The following ERAP1 variants were observed in gnomAD, a reference collection of about 807,000 sequenced individuals.
The protein encoded by ERAP1 is adipocyte-derived leucine aminopeptidase.
A neutral mutation model predicts 103.7 loss-of-function variants in ERAP1; 86 were observed. That is an observed-to-expected ratio of 0.83 (90% CI 0.70 to 0.99). The LOEUF (loss-of-function observed/expected upper bound fraction) is 0.99. Ranked by LOEUF, ERAP1 falls within the 50% of genes least tolerant of loss-of-function variation. ERAP1 has a pLI of 0.00. For synonymous variants in ERAP1, 398 were observed against 402.4 expected, an observed-to-expected ratio of 0.99 and a Z score of 0.13; for missense variants, 1,009 against 1,128.4, an observed-to-expected ratio of 0.89 and a Z score of 1.52.
At chr5:96,896,727 T>C in the ERAP1 span, 1 of 1,564,564 alleles carries the variant, frequency 6.4e-7, no homozygotes, top group Non-Finnish European at 8.6e-7. Context: ...TGTTTTTTTT[T>C]AAAGGGAGCT....
Position 96,776,560 on chromosome 5 carries a change from G to GAA in ERAP1, c.2671-11_2671-10dup, listed in dbSNP as rs1228926864. On this transcript the variant is annotated splice_polypyrimidine_tract_variant and intron_variant, in intron 18 of 18. Transcript: ENST00000443439. ...CTGAAGAATCCTTTTACCTTGTGAG[G>GAA]AAAAAGTGGGTTTTAAAAAATTAAT... 6.2e-7 allele frequency: 1 copy of GAA among 1,612,662 alleles called. No individual in the cohort carries two copies. Among genetic ancestry groups the GAA allele is most frequent in the African/African-American group, 1.3e-5 (1 of 74,900 alleles).
the ERAP1 span, chr5:96,915,800 A>G: frequency 1.3e-6 from 2 of 1,483,676 alleles, no homozygotes; most frequent in East Asian, 2.3e-5. Context: ...AACAATTTCA[A>G]AATAAATGTT....
chr5:96,892,855 G>T, the ERAP1 span, among the ~76,000 whole-genome samples: 1 of 152,152 alleles, frequency 6.6e-6, no homozygotes, highest in Non-Finnish European at 1.5e-5. Flanking sequence ...TCTTCCTTCA[G>T]TTGGAACCTG....
At position 96,776,048 on chromosome 5, in the gene ERAP1, T is replaced by C. The variant is rs975309152; in HGVS notation, c.*348A>G. ...ACTATTCAGAGTCTTTCGAGGAGAC[T>C]GATGAAACAGTTTATGAATGATAAA... On this transcript the variant is annotated 3_prime_UTR_variant, in exon 19 of 19. Transcript: ENST00000443439. 8 of 1,192,660 alleles carry C rather than the reference T, an allele frequency of 6.7e-6. No individual in the cohort carries two copies. Among genetic ancestry groups the C allele is most frequent in the Admixed American group, 3.4e-5 (1 of 29,388 alleles). 73.9% of individuals were successfully genotyped at this position (1,192,660 alleles called of 1,614,324 possible).
At chr5:96,882,172 G>A in the ERAP1 span, among the ~76,000 whole-genome samples, 1 of 152,212 alleles carries the variant, frequency 6.6e-6, no homozygotes, top group Non-Finnish European at 1.5e-5. Flanking sequence ...GCTCAGCACA[G>A]TATTGGATAG....
At chr5:96,783,840 CACACACACACACACAT>C (rs200863686) in intron 14 of ERAP1, 68 bp downstream of exon 14, 242,533 of 938,434 alleles carry the variant, frequency 0.26, 27,933 homozygotes, top group East Asian at 0.3. Flanking sequence ...CACACACACA[CACACACACACACACAT>C]ACACACACAA....
chr5:96,887,073 G>GTATATATATATATATATA, the ERAP1 span, among the ~76,000 whole-genome samples: 2 of 87,164 alleles, frequency 2.3e-5, no homozygotes, highest in Non-Finnish European at 4.6e-5. Flanking sequence ...AATTTTCAAA[G>GTATATATATATATATATA]TATATATATA....
Position 96,790,672 on chromosome 5 carries a change from C to G in ERAP1, c.1321-29G>C, listed in dbSNP as rs375903114. 1.0e-5 allele frequency: 16 copies of G among 1,594,554 alleles called. No homozygotes were observed. The African/African-American group carries it at 2.0e-4, about 20-fold the overall frequency. On this transcript the variant is annotated intron_variant, in intron 8 of 18. Transcript: ENST00000443439. ...AAAAGATAATAGAAATAATTGTTAT[C>G]TATAGTTTCATTGCAGTCTCATCTG... is the stretch of plus-strand genomic sequence containing the variant.
At chr5:96,933,323 T>G in the ERAP1 span, among the ~76,000 whole-genome samples, 7 of 150,598 alleles carry the variant, frequency 4.6e-5, no homozygotes, top group Admixed American at 4.7e-4. Flanking sequence ...GTTCAAGTGA[T>G]TCTCATGCCT....
At chr5:96,886,584 C>A in the ERAP1 span, 2 of 1,338,306 alleles carry the variant, frequency 1.5e-6, no homozygotes, top group Non-Finnish European at 2.0e-6. Flanking sequence ...AACTCACCTG[C>A]CATAAGTCAT....
upstream of ERAP1, among the ~76,000 whole-genome samples, chr5:96,808,380 A>C (rs1256602332): frequency 6.6e-6 from 1 of 151,494 alleles, no homozygotes; most frequent in African/African-American, 2.4e-5. Flanking sequence ...AGGCGCTGAC[A>C]AGTCCACCAA....
At chr5:96,911,495 T>TA in the ERAP1 span, among the ~76,000 whole-genome samples, 1 of 152,078 alleles carries the variant, frequency 6.6e-6, no homozygotes, top group Non-Finnish European at 1.5e-5. Context: ...TTAACAGTTT[T>TA]AAAAAATTAT....
At chr5:96,789,223 A>G (rs1776442969) in intron 10 of ERAP1, among the ~76,000 whole-genome samples, 1 of 152,242 alleles carries the variant, frequency 6.6e-6, no homozygotes, top group African/African-American at 2.4e-5. Flanking sequence ...GCGGTGGCTC[A>G]TGCCTGTAAT....
At chr5:96,858,410 T>C in the ERAP1 span, among the ~76,000 whole-genome samples, 2 of 152,120 alleles carry the variant, frequency 1.3e-5, no homozygotes, top group Non-Finnish European at 2.9e-5. Flanking sequence ...AGACAGAGTT[T>C]CACCATGTTG....
intron 2 of ERAP1, among the ~76,000 whole-genome samples, chr5:96,801,745 A>G (rs1778017596): frequency 1.4e-5 from 2 of 147,500 alleles, no homozygotes; most frequent in Admixed American, 6.9e-5. Flanking sequence ...CCAGCTACTC[A>G]GGAGGCTGAG....
chr5:96,903,220 T>C, the ERAP1 span, among the ~76,000 whole-genome samples: 1 of 152,174 alleles, frequency 6.6e-6, no homozygotes, highest in Non-Finnish European at 1.5e-5. Context: ...CCAAAAGAAA[T>C]CATCCAGTGA....
At chr5:96,886,696 C>T in the ERAP1 span, 2 of 1,554,232 alleles carry the variant, frequency 1.3e-6, no homozygotes, top group Non-Finnish European at 8.8e-7. Flanking sequence ...TGGAAGATCA[C>T]TTTGAAACTA....
At chr5:96,873,498 T>C in the ERAP1 span, 2 of 455,148 alleles carry the variant, frequency 4.4e-6, no homozygotes, top group Non-Finnish European at 8.8e-6. Flanking sequence ...AAGTGGCTTC[T>C]TGGGGCTGGC....
At chr5:96,900,956 C>T in the ERAP1 span, among the ~76,000 whole-genome samples, 10 of 152,158 alleles carry the variant, frequency 6.6e-5, no homozygotes, top group Admixed American at 2.0e-4. Flanking sequence ...TGATCCACGG[C>T]GCCTGGCCCT....
Sources: allele counts gnomAD v4.1 joint callset (sites outside exome capture counted in the v4.1 genomes callset), GRCh38; gene constraint gnomAD v4.1.1; transcripts MANE v1.5; gene names NCBI Gene and HGNC (gene_info 2026-07-23, HGNC 2026-07-21).